The following DOCK4 variants were observed in gnomAD, a reference collection of about 807,000 sequenced individuals.
DOCK4 encodes dedicator of cytokinesis 4, also known as dedicator of cytokinesis protein 4.
In DOCK4, 97 loss-of-function variants were observed where a neutral mutation model predicts 268.1. The observed-to-expected ratio is 0.36, with a 90% CI of 0.31 to 0.43. DOCK4 has a LOEUF of 0.43. DOCK4 is among the 20% of genes least tolerant of loss of function. The pLI is 1.00. For missense variants in DOCK4, 2,145 were observed against 2,455.7 expected, an observed-to-expected ratio of 0.87 and a Z score of 2.67; for synonymous variants, 954 against 887.2, an observed-to-expected ratio of 1.08 and a Z score of -1.34.
At chr7:111,981,982 T>C (rs1798646109) in intron 7 of DOCK4, among the ~76,000 whole-genome samples, 1 of 152,102 alleles carries the variant, frequency 6.6e-6, no homozygotes, top group Non-Finnish European at 1.5e-5. Flanking sequence ...GAAAATAAAA[T>C]ATATTTGTGT....
intron 24 of DOCK4, among the ~76,000 whole-genome samples, chr7:111,845,766 G>A (rs1237347426): frequency 6.6e-6 from 1 of 152,204 alleles, no homozygotes; most frequent in Non-Finnish European, 1.5e-5. Context: ...CAGAGCAGAA[G>A]TTGTGGAGGT....
intron 23 of DOCK4, among the ~76,000 whole-genome samples, chr7:111,857,753 C>T (rs1424761021): frequency 6.6e-6 from 1 of 151,554 alleles, no homozygotes. Context: ...ACGCCCTAAA[C>T]TATGTCTCTG....
intron 25 of DOCK4, among the ~76,000 whole-genome samples, chr7:111,839,428 T>C (rs1803497093): frequency 6.6e-6 from 1 of 152,188 alleles, no homozygotes; most frequent in Non-Finnish European, 1.5e-5. Context: ...ATCCTGTGAA[T>C]AGTGAAATAT....
intron 13 of DOCK4, among the ~76,000 whole-genome samples, chr7:111,910,313 T>C (rs879906437): frequency 1.8e-4 from 28 of 152,336 alleles, no homozygotes; most frequent in Non-Finnish European, 2.8e-4. Flanking sequence ...TCCCTGATGC[T>C]TAGCAATAGG....
intron 1 of DOCK4, among the ~76,000 whole-genome samples, chr7:112,090,304 G>A (rs912232359): frequency 6.6e-6 from 1 of 152,010 alleles, no homozygotes; most frequent in African/African-American, 2.4e-5. Flanking sequence ...TTTGAGATTG[G>A]GGGGAAGAAA....
intron 8 of DOCK4, chr7:111,971,740 T>G: frequency 3.2e-6 from 1 of 314,382 alleles, no homozygotes; most frequent in Admixed American, 4.4e-5. Flanking sequence ...GAGTAGCTGT[T>G]TGGTGGTCCA....
At chr7:112,179,325 G>T (rs1395745059) in intron 1 of DOCK4, among the ~76,000 whole-genome samples, 2 of 151,762 alleles carry the variant, frequency 1.3e-5, no homozygotes, top group Non-Finnish European at 2.9e-5. Context: ...TGTCGAGGCT[G>T]CAGTGAGTGG....
chr7:111,823,121 T>C (rs890829957), intron 26 of DOCK4, among the ~76,000 whole-genome samples: 2 of 152,000 alleles, frequency 1.3e-5, no homozygotes, highest in African/African-American at 4.8e-5. Flanking sequence ...GAGATGGTAG[T>C]AGTATTTACT....
chr7:111,835,813 C>T (rs961300291), intron 25 of DOCK4, among the ~76,000 whole-genome samples: 1 of 152,124 alleles, frequency 6.6e-6, no homozygotes, highest in African/African-American at 2.4e-5. Flanking sequence ...TATCCTCGCC[C>T]ACTGCCATGG....
intron 1 of DOCK4, among the ~76,000 whole-genome samples, chr7:112,201,684 A>G (rs1820949203): frequency 6.6e-6 from 1 of 152,108 alleles, no homozygotes. Flanking sequence ...GGGGTGTGCT[A>G]ACAGATGAGG....
At chr7:112,069,755 T>C (rs1470906250) in intron 1 of DOCK4, among the ~76,000 whole-genome samples, 1 of 151,864 alleles carries the variant, frequency 6.6e-6, no homozygotes, top group Non-Finnish European at 1.5e-5. Flanking sequence ...AAATAGAAAA[T>C]GTCTCTCCAT....
chr7:111,784,893 A>C (rs1181444697), intron 32 of DOCK4, among the ~76,000 whole-genome samples: 2 of 152,212 alleles, frequency 1.3e-5, no homozygotes, highest in Non-Finnish European at 2.9e-5. Flanking sequence ...CTTTCATCTT[A>C]GTTTCAGGAA....
chr7:111,769,924 C>T (rs988278002), intron 36 of DOCK4, among the ~76,000 whole-genome samples: 4 of 151,902 alleles, frequency 2.6e-5, no homozygotes, highest in African/African-American at 9.7e-5. Flanking sequence ...CTGTTTTTGT[C>T]TTTTGTTTTT....
At chr7:111,811,186 CTTT>C (rs59016063) in intron 28 of DOCK4, among the ~76,000 whole-genome samples, 3,595 of 151,992 alleles carry the variant, frequency 0.024, 129 homozygotes, top group African/African-American at 0.083. Flanking sequence ...ATTAAAATTC[CTTT>C]TTTATTGTAT....
At chr7:111,831,901 C>T (rs544920689) in intron 26 of DOCK4, among the ~76,000 whole-genome samples, 105 of 152,298 alleles carry the variant, frequency 6.9e-4, no homozygotes, top group African/African-American at 2.4e-3. Context: ...ACAAAGTCTA[C>T]ACTCATTCAT....
chr7:111,928,112 T>A (rs1166363244), intron 12 of DOCK4, among the ~76,000 whole-genome samples: 1 of 152,256 alleles, frequency 6.6e-6, no homozygotes, highest in Non-Finnish European at 1.5e-5. Context: ...ATGAAGGCTC[T>A]CATGTCACAA....
intron 1 of DOCK4, among the ~76,000 whole-genome samples, chr7:112,195,530 A>G (rs1186092206): frequency 2.0e-5 from 3 of 152,100 alleles, no homozygotes; most frequent in Non-Finnish European, 4.4e-5. Flanking sequence ...AACTTTGGCT[A>G]CCAGAGGAGA....
intron 44 of DOCK4, among the ~76,000 whole-genome samples, chr7:111,743,107 G>C (rs530381478): frequency 2.0e-5 from 3 of 152,166 alleles, no homozygotes; most frequent in African/African-American, 7.2e-5. Context: ...GTGAGGATCC[G>C]AAGAGATGAA....
chr7:111,989,177 A>G lies in DOCK4; in HGVS notation c.316-14T>C. On this transcript the variant is annotated splice_polypyrimidine_tract_variant and intron_variant, in intron 5 of 52. Transcript: ENST00000428084. The stretch of plus-strand genomic sequence containing the variant: ...GCCTTCATTACGCTAAGAAATATAC[A>G]AATGTGGAGATTTGGCAGTCAGTAC... The G allele has an allele frequency of 6.2e-7, 1 of 1,613,700 alleles. No individual in the cohort carries two copies. The highest frequency in any genetic ancestry group is 8.5e-7 in the Non-Finnish European group (1 of 1,179,728).
Sources: allele counts gnomAD v4.1 joint callset (sites outside exome capture counted in the v4.1 genomes callset), GRCh38; gene constraint gnomAD v4.1.1; transcripts MANE v1.5; gene names NCBI Gene and HGNC (gene_info 2026-07-23, HGNC 2026-07-21).